Variants in WDR7 observed in about 807,000 individuals in gnomAD.
WDR7 encodes WD repeat domain 7.
WDR7 carries 46 observed loss-of-function variants against 169.4 expected under a neutral mutation model. The ratio of observed to expected loss-of-function variants is 0.27; its 90% CI spans 0.21 to 0.35. The LOEUF (loss-of-function observed/expected upper bound fraction) is 0.35, where lower values mean the gene tolerates loss of function less well. Among genes scored for constraint, WDR7 ranks in the 10% least tolerant of loss-of-function variants. The probability of loss-of-function intolerance (pLI) is 1.00; values close to 1 mark genes in which losing one functional copy is unlikely to be tolerated. For missense variants in WDR7, 1,534 were observed against 1,859.3 expected (o/e 0.83, Z 3.22); for synonymous variants, 612 against 666.8 (o/e 0.92, Z 1.27).
Position 56,673,257 on chromosome 18 carries a change from G to A in WDR7, c.159+583G>A, listed in dbSNP as rs1369032026. On this transcript the variant is annotated intron_variant, in intron 2 of 27. Coordinates refer to ENST00000254442, the MANE Select transcript of WDR7 (RefSeq NM_015285.3). The stretch of plus-strand genomic sequence containing the variant: ...TCCTACTTTTCTCCTTTCCATATTT[G>A]TAACTCCTTTCTCTGACAACTCTTT... 2.0e-5 allele frequency among the ~76,000 whole-genome samples: 3 copies of A among 151,720 alleles called. 1 individual carries two copies. The highest frequency in any genetic ancestry group is 7.3e-5 in the African/African-American group (3 of 41,236).
At position 56,959,576 on chromosome 18, in the gene WDR7, T is replaced by A. The variant is rs552943565; in HGVS notation, c.4065-2854T>A. On this transcript the variant is annotated intron_variant, in intron 25 of 27. Transcript: ENST00000254442. The stretch of plus-strand genomic sequence containing the variant: ...GTCATGGGCAACTGCCTAAGTGACA[T>A]GTTATCAACACAGTGAACTGGAGAC... 1.2e-4 allele frequency among the ~76,000 whole-genome samples: 19 copies of A among 152,230 alleles called. 1 individual carries two copies. In the South Asian group the frequency reaches 1.9e-3, roughly 15 times the overall value.
At chr18:56,868,848 T>C (rs964143524) in intron 20 of WDR7, among the ~76,000 whole-genome samples, 2 of 152,146 alleles carry the variant, frequency 1.3e-5, no homozygotes, top group African/African-American at 4.8e-5. Flanking sequence ...GTTAGACGTT[T>C]TTGGAGATAG....
chr18:56,757,764 G>A (rs962278779), intron 15 of WDR7, among the ~76,000 whole-genome samples: 2 of 152,048 alleles, frequency 1.3e-5, no homozygotes, highest in Non-Finnish European at 2.9e-5. Context: ...TTGAAGCCAG[G>A]AGTTTGAGAC....
intron 19 of WDR7, among the ~76,000 whole-genome samples, chr18:56,803,344 C>T (rs1387977730): frequency 6.6e-6 from 1 of 152,064 alleles, no homozygotes; most frequent in Non-Finnish European, 1.5e-5. Flanking sequence ...ATCATTTATT[C>T]ACTATGTGTA....
At chr18:56,677,095 C>T (rs1184883168) in intron 2 of WDR7, among the ~76,000 whole-genome samples, 1 of 152,076 alleles carries the variant, frequency 6.6e-6, no homozygotes. Flanking sequence ...GAGTTTGTAC[C>T]TTCAGATGCT....
chr18:56,904,979 T>C (rs967221722), intron 21 of WDR7, among the ~76,000 whole-genome samples: 1 of 152,110 alleles, frequency 6.6e-6, no homozygotes, highest in Non-Finnish European at 1.5e-5. Flanking sequence ...AGAAAGTAGA[T>C]AGATAGTCTC....
At chr18:56,789,566 T>G (rs1346957437) in intron 19 of WDR7, among the ~76,000 whole-genome samples, 1 of 152,230 alleles carries the variant, frequency 6.6e-6, no homozygotes, top group East Asian at 1.9e-4. Flanking sequence ...GTCCCTTGTA[T>G]AGCAGTGAGG....
intron 13 of WDR7, among the ~76,000 whole-genome samples, chr18:56,723,860 G>A (rs1459152402): frequency 1.3e-5 from 2 of 151,636 alleles, no homozygotes; most frequent in Non-Finnish European, 2.9e-5. Flanking sequence ...AGCTCACTGT[G>A]ATGGTATTTT....
At chr18:56,895,584 G>A (rs9954894) in intron 21 of WDR7, among the ~76,000 whole-genome samples, 185 of 151,594 alleles carry the variant, frequency 1.2e-3, no homozygotes, top group Non-Finnish European at 2.2e-3. Context: ...TTATGGCTAC[G>A]AAATGAAATT....
intron 25 of WDR7, among the ~76,000 whole-genome samples, chr18:56,959,382 C>T (rs1172016645): frequency 6.6e-6 from 1 of 152,116 alleles, no homozygotes; most frequent in Non-Finnish European, 1.5e-5. Flanking sequence ...GGATGATGAC[C>T]ACCTCAGCTC....
intron 12 of WDR7, among the ~76,000 whole-genome samples, chr18:56,703,761 T>G (rs1297046313): frequency 1.3e-5 from 2 of 152,106 alleles, no homozygotes; most frequent in Non-Finnish European, 2.9e-5. Context: ...TAAATGATAC[T>G]CTGTAATTCA....
chr18:56,874,836 C>CT (rs2046001726), intron 20 of WDR7, among the ~76,000 whole-genome samples: 1 of 152,028 alleles, frequency 6.6e-6, no homozygotes, highest in East Asian at 1.9e-4. Context: ...AAGAAGAAAT[C>CT]TTTTTTATAC....
At chr18:56,828,261 A>T (rs995269295) in intron 20 of WDR7, among the ~76,000 whole-genome samples, 1 of 152,218 alleles carries the variant, frequency 6.6e-6, no homozygotes, top group Non-Finnish European at 1.5e-5. Context: ...ACACTTTTAT[A>T]TTGATTTCTT....
At chr18:56,714,880 CTCT>C (rs2026159746) in intron 12 of WDR7, among the ~76,000 whole-genome samples, 1 of 151,116 alleles carries the variant, frequency 6.6e-6, no homozygotes. Context: ...GGTGTTAAAG[CTCT>C]TTTTTTTAAC....
intron 23 of WDR7, 137 bp from the exon 24 acceptor site, chr18:56,938,395 TA>T: frequency 8.9e-7 from 1 of 1,117,396 alleles, no homozygotes; most frequent in Non-Finnish European, 1.2e-6. Context: ...ATTGTTTTTG[TA>T]AACAAAAGTA....
chr18:56,930,289 A>G (rs1417369841), intron 22 of WDR7, among the ~76,000 whole-genome samples: 3 of 152,232 alleles, frequency 2.0e-5, no homozygotes, highest in Admixed American at 6.5e-5. Context: ...TTTGTATGCT[A>G]GCTCAAATCT....
downstream of WDR7, chr18:57,034,166 C>T (rs749326089): frequency 6.6e-6 from 1 of 151,048 alleles, no homozygotes; most frequent in African/African-American, 2.4e-5. Context: ...CTCAGCAAGT[C>T]GTAAGGAAGG....
chr18:56,659,245 A>G (rs1322082773), intron 1 of WDR7, among the ~76,000 whole-genome samples: 1 of 152,262 alleles, frequency 6.6e-6, no homozygotes, highest in Non-Finnish European at 1.5e-5. Flanking sequence ...TGTTGACATT[A>G]TTATAGAAGA....
chr18:56,879,639 A>G (rs1228895892), intron 20 of WDR7, among the ~76,000 whole-genome samples: 5 of 152,156 alleles, frequency 3.3e-5, no homozygotes, highest in Admixed American at 3.3e-4. Context: ...TTTTGGTATC[A>G]TATCTAAGAA....
Sources: gnomAD v4.1 joint callset for allele counts (sites outside exome capture counted in the v4.1 genomes callset) on GRCh38, gnomAD v4.1.1 for gene constraint, MANE v1.5 for transcripts, NCBI Gene and HGNC (gene_info 2026-07-23, HGNC 2026-07-21) for gene names.